COLQ: variants seen among roughly 807,000 people sequenced by gnomAD.
COLQ encodes collagen like tail subunit of asymmetric acetylcholinesterase.
Under a neutral mutation model 69.0 loss-of-function variants are expected in COLQ, and 48 were observed. The observed-to-expected ratio is 0.70, with a 90% CI of 0.55 to 0.88. The LOEUF (loss-of-function observed/expected upper bound fraction) is 0.88, where lower values mean the gene tolerates loss of function less well. COLQ is among the 40% of genes least tolerant of loss of function. COLQ has a pLI of 0.00. For missense variants in COLQ, 618 were observed against 594.6 expected (o/e 1.04, Z -0.41); for synonymous variants, 217 against 211.2 (o/e 1.03, Z -0.24).
intron 1 of COLQ, chr3:15,498,659 T>G: frequency 6.4e-7 from 1 of 1,550,768 alleles, no homozygotes; most frequent in South Asian, 1.2e-5. Flanking sequence ...GTCACGCCTC[T>G]GAGTGCTCCC....
At chr3:15,521,459 C>T in intron 1 of COLQ, 61 bp downstream of exon 1, 1 of 1,606,848 alleles carries the variant, frequency 6.2e-7, no homozygotes. Flanking sequence ...GCAAAACAAT[C>T]TTCCTTCCTC....
chr3:15,506,958 A>G (rs1055117045), intron 1 of COLQ: 1 of 152,152 alleles, frequency 6.6e-6, no homozygotes, highest in Non-Finnish European at 1.5e-5. Flanking sequence ...ATGCATGCAC[A>G]TTGTTTTCTT....
intron 1 of COLQ, among the ~76,000 whole-genome samples, chr3:15,495,140 A>C (rs990295069): frequency 6.6e-6 from 1 of 152,250 alleles, no homozygotes; most frequent in African/African-American, 2.4e-5. Context: ...CTGGAGCTTC[A>C]AGTCCCATAA....
chr3:15,451,686 C>G lies in COLQ; in HGVS notation c.1326G>C (p.Gln442His), dbSNP rs1316765858. ...AGGGCGTGGAGTCGATGTAGCAGTA[C>G]TGGGTGCATTGCAGGTCTCCATATG... is the stretch of plus-strand genomic sequence containing the variant. ...PGSYGDLQCT[Q>H]YCYIDSTPCR... Residue 442 changes from glutamine to histidine, a missense_variant, in exon 17 of 17, where the codon CAG becomes CAC. Transcript: ENST00000383788. 6.2e-7 allele frequency: 1 copy of G among 1,614,050 alleles called. No individual in the cohort carries two copies. Among genetic ancestry groups the G allele is most frequent in the Non-Finnish European group, 8.5e-7 (1 of 1,180,034 alleles).
intron 3 of COLQ, among the ~76,000 whole-genome samples, chr3:15,483,097 C>T (rs1053225747): frequency 2.0e-5 from 3 of 152,030 alleles, no homozygotes; most frequent in Admixed American, 2.0e-4. Flanking sequence ...TGATTCTTCT[C>T]TCTTTTCTTC....
intron 5 of COLQ, 61 bp downstream of exon 5, chr3:15,478,916 G>A (rs1442064638): frequency 4.4e-6 from 7 of 1,598,192 alleles, no homozygotes; most frequent in Non-Finnish European, 3.4e-6. Flanking sequence ...CCCTAGGAGT[G>A]CATGCACACA....
At chr3:15,465,404 CTAT>C (rs2062184219) in intron 12 of COLQ, among the ~76,000 whole-genome samples, 1 of 146,708 alleles carries the variant, frequency 6.8e-6, no homozygotes, top group Non-Finnish European at 1.5e-5. Context: ...GTAGCTGGGA[CTAT>C]AGGCGCCCGC....
chr3:15,517,206 A>G (rs1202208982), intron 1 of COLQ, among the ~76,000 whole-genome samples: 1 of 152,160 alleles, frequency 6.6e-6, no homozygotes, highest in African/African-American at 2.4e-5. Flanking sequence ...AGCCTACAGG[A>G]CTTTAAAGGC....
chr3:15,514,144 C>T (rs974538570), intron 1 of COLQ, among the ~76,000 whole-genome samples: 2 of 152,136 alleles, frequency 1.3e-5, no homozygotes, highest in African/African-American at 2.4e-5. Context: ...TGAGGGAGCT[C>T]GGCCTTGGCG....
rs1007109410 is a variant in COLQ at position 15,475,312 on chromosome 3, G to A, written c.528+113C>T. ...GGTAAAGGCAGGCTCTCCAATATCC[G>A]CGACATTCCCTAGTCCGGGACTGCA... On this transcript the variant is annotated intron_variant, in intron 7 of 16. Transcript: ENST00000383788. 5.8e-5 allele frequency: 62 copies of A among 1,069,574 alleles called. 1 individual carries two copies. The highest frequency in any genetic ancestry group is 3.9e-4 in the African/African-American group (25 of 63,718). 66.3% of individuals were successfully genotyped at this position (1,069,574 alleles called of 1,614,324 possible).
In COLQ at chr3:15,517,708, G is replaced by A. The variant is rs578207995; in HGVS notation, c.106+3812C>T. On this transcript the variant is annotated intron_variant, in intron 1 of 16. Coordinates refer to ENST00000383788, the MANE Select transcript of COLQ (RefSeq NM_005677.4). Reference sequence around the variant, plus strand: ...GGTTTATTACCCACCAATGGTTAACGCAATACACCAAACGTGGGAATCTTG... The same window carrying A: ...GGTTTATTACCCACCAATGGTTAACACAATACACCAAACGTGGGAATCTTG... Among the ~76,000 whole-genome samples the A allele has an allele frequency of 2.9e-4, 44 of 152,230 alleles. 1 individual carries two copies. Among genetic ancestry groups the A allele is most frequent in the Admixed American group, 6.5e-4 (10 of 15,298 alleles).
At chr3:15,504,775 G>A (rs1005121688) in intron 1 of COLQ, among the ~76,000 whole-genome samples, 10 of 152,298 alleles carry the variant, frequency 6.6e-5, no homozygotes, top group Admixed American at 1.3e-4. Flanking sequence ...CAGGAGAGTC[G>A]TTTGAACCCG....
chr3:15,517,760 T>C (rs1048331323), intron 1 of COLQ, among the ~76,000 whole-genome samples: 1 of 152,256 alleles, frequency 6.6e-6, no homozygotes, highest in Non-Finnish European at 1.5e-5. Flanking sequence ...CCATGTTCAA[T>C]AGAAATCATT....
At chr3:15,513,314 T>C (rs966809586) in intron 1 of COLQ, among the ~76,000 whole-genome samples, 3 of 152,184 alleles carry the variant, frequency 2.0e-5, no homozygotes, top group East Asian at 1.9e-4. Flanking sequence ...ACACTATCTA[T>C]AGCAGAGGAC....
At chr3:15,490,658 C>T (rs947612795) in intron 1 of COLQ, among the ~76,000 whole-genome samples, 4 of 152,186 alleles carry the variant, frequency 2.6e-5, no homozygotes, top group Admixed American at 1.3e-4. Context: ...TGCTGAACAT[C>T]GCTGATGTTC....
chr3:15,499,158 C>T (rs150012040), intron 1 of COLQ, among the ~76,000 whole-genome samples: 9 of 152,136 alleles, frequency 5.9e-5, no homozygotes, highest in African/African-American at 2.2e-4. Flanking sequence ...ACAACAACAA[C>T]GAAACCACAA....
At chr3:15,479,721 T>C (rs1445995715) in intron 3 of COLQ, among the ~76,000 whole-genome samples, 1 of 152,202 alleles carries the variant, frequency 6.6e-6, no homozygotes, top group African/African-American at 2.4e-5. Context: ...TAAATCCCAT[T>C]TGCTGAAAAC....
At chr3:15,516,949 C>G (rs1414469674) in intron 1 of COLQ, among the ~76,000 whole-genome samples, 1 of 152,174 alleles carries the variant, frequency 6.6e-6, no homozygotes, top group East Asian at 1.9e-4. Context: ...CGAGACCAGC[C>G]TGGCCAACAT....
At chr3:15,501,361 G>C (rs1362874943) in intron 1 of COLQ, among the ~76,000 whole-genome samples, 3 of 152,116 alleles carry the variant, frequency 2.0e-5, no homozygotes, top group African/African-American at 7.2e-5. Context: ...ATTCTGCTTT[G>C]CATGCTGCTC....
Sources: gnomAD v4.1 joint callset for allele counts (sites outside exome capture counted in the v4.1 genomes callset) on GRCh38, gnomAD v4.1.1 for gene constraint, MANE v1.5 for transcripts, NCBI Gene and HGNC (gene_info 2026-07-23, HGNC 2026-07-21) for gene names.